Variants in ANKS1B observed in about 807,000 individuals in gnomAD.
ANKS1B encodes ankyrin repeat and sterile alpha motif domain containing 1B, also known as ankyrin repeat and sterile alpha motif domain-containing protein 1B.
ANKS1B carries 36 observed loss-of-function variants against 148.3 expected under a neutral mutation model. That is an observed-to-expected ratio of 0.24 (90% CI 0.19 to 0.32). The LOEUF is 0.32. ANKS1B is among the 10% of genes least tolerant of loss of function. The pLI, the probability that ANKS1B is intolerant of heterozygous loss-of-function variation, is 1.00. For missense variants in ANKS1B, 1,157 were observed against 1,542.6 expected (o/e 0.75, Z 4.19); for synonymous variants, 542 against 560.8 (o/e 0.97, Z 0.47).
At chr12:98,765,414 C>A (rs944109279) in intron 25 of ANKS1B, among the ~76,000 whole-genome samples, 2 of 151,912 alleles carry the variant, frequency 1.3e-5, no homozygotes, top group Non-Finnish European at 2.9e-5. Context: ...CAGGTGTGTA[C>A]CACCACGCCT....
intron 12 of ANKS1B, among the ~76,000 whole-genome samples, chr12:99,286,259 C>T (rs1006385315): frequency 6.6e-6 from 1 of 151,746 alleles, no homozygotes; most frequent in African/African-American, 2.4e-5. Flanking sequence ...AGCCCTCATT[C>T]CAGGTCCTGG....
intron 12 of ANKS1B, among the ~76,000 whole-genome samples, chr12:99,300,206 C>T (rs150575753): frequency 1.6e-4 from 25 of 152,092 alleles, no homozygotes; most frequent in Non-Finnish European, 3.2e-4. Flanking sequence ...AAATCCCCAA[C>T]GAATTAGGCC....
chr12:99,197,270 A>C (rs1312463599), intron 14 of ANKS1B, among the ~76,000 whole-genome samples: 1 of 152,198 alleles, frequency 6.6e-6, no homozygotes, highest in Non-Finnish European at 1.5e-5. Flanking sequence ...AATATCCTTT[A>C]TAAAAAGTAA....
At chr12:99,732,541 A>G (rs909006896) in intron 8 of ANKS1B, among the ~76,000 whole-genome samples, 1 of 152,212 alleles carries the variant, frequency 6.6e-6, no homozygotes, top group Non-Finnish European at 1.5e-5. Context: ...AGAAAAAAAA[A>G]TTATAGTGAT....
intron 19 of ANKS1B, among the ~76,000 whole-genome samples, chr12:98,813,078 T>C (rs1273527532): frequency 6.6e-6 from 1 of 152,222 alleles, no homozygotes; most frequent in East Asian, 1.9e-4. Flanking sequence ...ATTATGTTTA[T>C]GAAAATAACA....
At chr12:98,813,415 C>T (rs1429574873) in intron 19 of ANKS1B, among the ~76,000 whole-genome samples, 2 of 149,470 alleles carry the variant, frequency 1.3e-5, no homozygotes, top group Non-Finnish European at 3.0e-5. Context: ...GGAGGTCTTG[C>T]TATGTTGCCC....
chr12:98,921,087 C>T lies in ANKS1B; in HGVS notation c.2779-88951G>A, dbSNP rs2099800775. On this transcript the variant is annotated intron_variant, in intron 17 of 26. Coordinates refer to ENST00000683438, the MANE Select transcript of ANKS1B (RefSeq NM_001352186.2). The stretch of plus-strand genomic sequence containing the variant: ...GTCTTATTAAAAGTATGTCTTTCTT[C>T]TTTTCCCTGTCATCCTTTCTTCCCT... Among the ~76,000 whole-genome samples the T allele has an allele frequency of 2.6e-5, 4 of 152,144 alleles. No homozygotes were observed. The South Asian group carries it at 8.3e-4, about 32-fold the overall frequency.
At chr12:98,862,959 T>C (rs545343084) in intron 17 of ANKS1B, among the ~76,000 whole-genome samples, 2 of 152,280 alleles carry the variant, frequency 1.3e-5, no homozygotes, top group East Asian at 1.9e-4. Flanking sequence ...TGGTCCAATA[T>C]AGTCTCTGCA....
chr12:99,806,785 T>A, intron 3 of ANKS1B, 85 bp from the exon 4 acceptor site: 1 of 1,199,390 alleles, frequency 8.3e-7, no homozygotes, highest in Non-Finnish European at 1.2e-6. Flanking sequence ...AAACCTGCAA[T>A]GCTTTGAAAT....
At chr12:99,717,549 T>C (rs950197626) in intron 8 of ANKS1B, among the ~76,000 whole-genome samples, 5 of 152,124 alleles carry the variant, frequency 3.3e-5, no homozygotes, top group Non-Finnish European at 7.4e-5. Flanking sequence ...GGGACCCCAC[T>C]GAAAATTGGA....
At chr12:98,851,192 G>C (rs189993716) in intron 17 of ANKS1B, among the ~76,000 whole-genome samples, 230 of 152,290 alleles carry the variant, frequency 1.5e-3, no homozygotes, top group Non-Finnish European at 2.3e-3. Flanking sequence ...TGTTAAGTTG[G>C]TTAGGAGCAC....
chr12:99,058,719 C>CTTTTTTTTT lies in ANKS1B; in HGVS notation c.2626-5419_2626-5411dup, dbSNP rs869064302. 6.2e-5 allele frequency among the ~76,000 whole-genome samples: 5 copies of CTTTTTTTTT among 80,686 alleles called. 1 individual carries two copies. The highest frequency in any genetic ancestry group is 9.4e-5 in the Non-Finnish European group (4 of 42,360). The allele number at this position is 80,686 out of a possible 152,430, so 52.9% of individuals were successfully genotyped here. On this transcript the variant is annotated intron_variant, in intron 16 of 26. Coordinates refer to ENST00000683438, the MANE Select transcript of ANKS1B (RefSeq NM_001352186.2). ...TTCTCCTAATGAAATTCTATCTATC[C>CTTTTTTTTT]TTTTTTTTTTTTTTTTTTTTTTTTT... is the stretch of plus-strand genomic sequence containing the variant.
chr12:99,688,913 A>G (rs1324052190), intron 8 of ANKS1B, among the ~76,000 whole-genome samples: 1 of 152,122 alleles, frequency 6.6e-6, no homozygotes, highest in East Asian at 1.9e-4. Flanking sequence ...TGCAAGTTAC[A>G]AAAGTTGTGA....
At chr12:99,741,036 C>T (rs1482953371) in intron 8 of ANKS1B, among the ~76,000 whole-genome samples, 1 of 151,958 alleles carries the variant, frequency 6.6e-6, no homozygotes, top group East Asian at 1.9e-4. Flanking sequence ...GGTGAAATGC[C>T]ATTTCTACTG....
At chr12:99,238,918 C>T (rs188932823) in intron 14 of ANKS1B, among the ~76,000 whole-genome samples, 2 of 152,238 alleles carry the variant, frequency 1.3e-5, no homozygotes, top group East Asian at 3.9e-4. Flanking sequence ...TATAGGTCAC[C>T]AACATCAAAG....
chr12:98,785,919 T>C (rs2098789945), intron 22 of ANKS1B, among the ~76,000 whole-genome samples: 1 of 152,188 alleles, frequency 6.6e-6, no homozygotes, highest in Non-Finnish European at 1.5e-5. Flanking sequence ...GAACCTTCTG[T>C]TATCGTTTTC....
chr12:99,303,324 G>C (rs905336748), intron 12 of ANKS1B, among the ~76,000 whole-genome samples: 2 of 152,064 alleles, frequency 1.3e-5, no homozygotes, highest in Non-Finnish European at 2.9e-5. Flanking sequence ...CTGTTTCAAG[G>C]AGAAAAACAG....
rs922229727 is a variant in ANKS1B at position 98,801,524 on chromosome 12, G to A, written c.3142-399C>T. On this transcript the variant is annotated intron_variant, in intron 20 of 26. Coordinates refer to ENST00000683438, the MANE Select transcript of ANKS1B (RefSeq NM_001352186.2). The surrounding 1 kb of genome is among the most constrained non-coding windows in gnomAD (Gnocchi z 5.2). ...ATTGCTTTCACATTCAGAACACACA[G>A]TTCTATAAATTTCAGTTCCCAAATA... Among the ~76,000 whole-genome samples, 4 of 152,110 alleles carry A rather than the reference G, an allele frequency of 2.6e-5. No homozygotes were observed. The highest frequency in any genetic ancestry group is 9.7e-5 in the African/African-American group (4 of 41,428).
chr12:98,743,535 C>CTCA (rs1303151367), downstream of ANKS1B, among the ~76,000 whole-genome samples: 1 of 150,994 alleles, frequency 6.6e-6, no homozygotes, highest in African/African-American at 2.5e-5. Flanking sequence ...TGGGCCGCCT[C>CTCA]TCATCTGCCC....
Sources: allele counts gnomAD v4.1 joint callset (sites outside exome capture counted in the v4.1 genomes callset), GRCh38; gene constraint gnomAD v4.1.1; non-coding constraint Gnocchi (gnomAD v3.1); transcripts MANE v1.5; gene names NCBI Gene and HGNC (gene_info 2026-07-23, HGNC 2026-07-21).